The following EPB41L4A variants were observed in gnomAD, a reference collection of about 807,000 sequenced individuals.
EPB41L4A encodes the protein band 4.1-like protein 4A.
In EPB41L4A, 100 loss-of-function variants were observed where a neutral mutation model predicts 108.6. That is an observed-to-expected ratio of 0.92 (90% CI 0.78 to 1.09). The LOEUF (loss-of-function observed/expected upper bound fraction) is 1.09, where lower values mean the gene tolerates loss of function less well. EPB41L4A is among the 50% of genes least tolerant of loss of function. EPB41L4A has a pLI of 0.00. For missense variants in EPB41L4A, 1,030 were observed against 842.7 expected, an observed-to-expected ratio of 1.22 and a Z score of -2.75; for synonymous variants, 319 against 289.0, an observed-to-expected ratio of 1.10 and a Z score of -1.05.
At position 112,170,893 on chromosome 5, in the gene EPB41L4A, G is replaced by C. The variant is rs901187779; in HGVS notation, c.1670+52C>G. ...AGTATCAGGAGTCTTCCTTGCAATT[G>C]CATTAAAACTACATGGGTTTTAAAA... On this transcript the variant is annotated intron_variant, in intron 19 of 22. Transcript: ENST00000261486. The C allele has an allele frequency of 1.7e-5, 25 of 1,514,866 alleles. No homozygotes were observed. The East Asian group carries it at 5.2e-4, about 31-fold the overall frequency. 93.8% of individuals were successfully genotyped at this position (1,514,866 alleles called of 1,614,324 possible).
chr5:112,338,068 C>A (rs1757040228), intron 1 of EPB41L4A, among the ~76,000 whole-genome samples: 1 of 152,154 alleles, frequency 6.6e-6, no homozygotes, highest in Admixed American at 6.5e-5. Context: ...ATCCACATCC[C>A]TGCCTCTTAC....
chr5:112,222,946 T>TG (rs1554080339), intron 12 of EPB41L4A, among the ~76,000 whole-genome samples: 2 of 148,846 alleles, frequency 1.3e-5, no homozygotes, highest in East Asian at 3.9e-4. Context: ...AAACTAGTTT[T>TG]TTTTTTTTTT....
At chr5:112,378,176 A>G (rs1417804761) in intron 1 of EPB41L4A, among the ~76,000 whole-genome samples, 2 of 152,180 alleles carry the variant, frequency 1.3e-5, no homozygotes, top group South Asian at 2.1e-4. Flanking sequence ...AAAATTCACA[A>G]TCTATCCTGA....
At chr5:112,234,287 T>G (rs921550014) in intron 12 of EPB41L4A, among the ~76,000 whole-genome samples, 5 of 151,330 alleles carry the variant, frequency 3.3e-5, no homozygotes, top group African/African-American at 1.2e-4. Flanking sequence ...CTACCTGAGG[T>G]CAGAACATCA....
At chr5:112,317,085 T>C (rs541569100) in intron 1 of EPB41L4A, among the ~76,000 whole-genome samples, 3 of 152,152 alleles carry the variant, frequency 2.0e-5, no homozygotes, top group Admixed American at 6.5e-5. Context: ...ACAGATCCCA[T>C]CTCTTGATAG....
chr5:112,346,674 G>A (rs1001183369), intron 1 of EPB41L4A, among the ~76,000 whole-genome samples: 1 of 152,130 alleles, frequency 6.6e-6, no homozygotes, highest in African/African-American at 2.4e-5. Flanking sequence ...ACAGAAACAT[G>A]GCAACCATAG....
At chr5:112,272,174 G>A (rs1268086468) in intron 4 of EPB41L4A, among the ~76,000 whole-genome samples, 4 of 133,208 alleles carry the variant, frequency 3.0e-5, no homozygotes, top group East Asian at 2.2e-4. Context: ...TAGCTCTGTC[G>A]CCCAGGCTGG....
chr5:112,360,902 G>A (rs1256551652), intron 1 of EPB41L4A, among the ~76,000 whole-genome samples: 1 of 152,012 alleles, frequency 6.6e-6, no homozygotes, highest in East Asian at 1.9e-4. Context: ...TCTGGGAAAT[G>A]AGGAGTGTCT....
At chr5:112,201,873 G>A (rs1762238220) in intron 15 of EPB41L4A, among the ~76,000 whole-genome samples, 1 of 152,164 alleles carries the variant, frequency 6.6e-6, no homozygotes, top group Non-Finnish European at 1.5e-5. Flanking sequence ...TCCCATGTGT[G>A]CCACAGAGGA....
intron 1 of EPB41L4A, among the ~76,000 whole-genome samples, chr5:112,402,230 T>C (rs915561007): frequency 1.3e-5 from 2 of 152,172 alleles, no homozygotes; most frequent in African/African-American, 4.8e-5. Flanking sequence ...GGTCTAGCCA[T>C]GTAGAATGTG....
intron 2 of EPB41L4A, among the ~76,000 whole-genome samples, chr5:112,281,164 C>T (rs903408467): frequency 3.3e-5 from 5 of 152,158 alleles, no homozygotes; most frequent in African/African-American, 1.2e-4. Flanking sequence ...TAGAATAGCC[C>T]CTAGCTCAGG....
intron 1 of EPB41L4A, among the ~76,000 whole-genome samples, chr5:112,310,011 A>G (rs1006296747): frequency 6.6e-6 from 1 of 152,194 alleles, no homozygotes; most frequent in East Asian, 1.9e-4. Flanking sequence ...TCATCCTCAG[A>G]TAAGTGCTCA....
At position 112,418,319 on chromosome 5, in the gene EPB41L4A, T is replaced by C. The variant is rs1762837102; in HGVS notation, c.99+622A>G. 2.0e-5 allele frequency among the ~76,000 whole-genome samples: 3 copies of C among 152,202 alleles called. No homozygotes were observed. In the South Asian group the frequency reaches 6.2e-4, roughly 32 times the overall value. On this transcript the variant is annotated intron_variant, in intron 1 of 22. Transcript: ENST00000261486. The stretch of plus-strand genomic sequence containing the variant: ...TTTGTTTGGGCTCTCTAGGTTAATG[T>C]AGTGATTGCATTTTAATGACCCACA...
chr5:112,210,922 C>T (rs529881306), intron 12 of EPB41L4A, among the ~76,000 whole-genome samples: 68 of 151,868 alleles, frequency 4.5e-4, no homozygotes, highest in African/African-American at 1.6e-3. Flanking sequence ...GTCCTTCAAT[C>T]CAATGCATAA....
At chr5:112,148,062 A>T (rs1759328916) in intron 12 of EPB41L4A, among the ~76,000 whole-genome samples, 1 of 148,120 alleles carries the variant, frequency 6.8e-6, no homozygotes, top group Non-Finnish European at 1.5e-5. Context: ...AAACGCAAAC[A>T]CCAGAAAATT....
intron 1 of EPB41L4A, among the ~76,000 whole-genome samples, chr5:112,384,453 T>C (rs1760368214): frequency 6.6e-6 from 1 of 152,036 alleles, no homozygotes; most frequent in South Asian, 2.1e-4. Flanking sequence ...AAAGGCTAAC[T>C]TCACTATTTT....
chr5:112,212,294 G>GTT (rs1399638774), intron 12 of EPB41L4A, among the ~76,000 whole-genome samples: 1 of 136,546 alleles, frequency 7.3e-6, no homozygotes, highest in Non-Finnish European at 1.6e-5. Flanking sequence ...AGTTGTTTTT[G>GTT]TTTTTTTTTT....
chr5:112,212,064 G>A (rs985853654), intron 12 of EPB41L4A, among the ~76,000 whole-genome samples: 4 of 152,124 alleles, frequency 2.6e-5, no homozygotes, highest in Non-Finnish European at 2.9e-5. Flanking sequence ...ACTACTCCAC[G>A]TGCCATCAAA....
chr5:112,398,961 T>C (rs1761561070), intron 1 of EPB41L4A, among the ~76,000 whole-genome samples: 1 of 150,976 alleles, frequency 6.6e-6, no homozygotes, highest in Non-Finnish European at 1.5e-5. Flanking sequence ...GACATTAACA[T>C]CTTAATTAGA....
Sources: gnomAD v4.1 joint callset for allele counts (sites outside exome capture counted in the v4.1 genomes callset) on GRCh38, gnomAD v4.1.1 for gene constraint, MANE v1.5 for transcripts, NCBI Gene and HGNC (gene_info 2026-07-23, HGNC 2026-07-21) for gene names.